Variants in SGCZ observed in about 807,000 individuals in gnomAD.
SGCZ encodes the protein zeta-sarcoglycan.
Under a neutral mutation model 41.3 loss-of-function variants are expected in SGCZ, and 40 were observed. The observed-to-expected ratio is 0.97, with a 90% CI of 0.75 to 1.26. The LOEUF is 1.26. SGCZ is among the 50% of genes most tolerant of loss of function. The pLI is 0.00. For synonymous variants in SGCZ, 206 were observed against 137.5 expected (o/e 1.50, Z -3.49); for missense variants, 552 against 369.8 (o/e 1.49, Z -4.04).
chr8:14,360,498 G>C (rs1042304201), intron 2 of SGCZ, among the ~76,000 whole-genome samples: 1 of 151,920 alleles, frequency 6.6e-6, no homozygotes, highest in Non-Finnish European at 1.5e-5. Flanking sequence ...GCTAATTTCT[G>C]AATTTTTAGT....
chr8:14,749,908 A>C (rs1472834334), intron 1 of SGCZ, among the ~76,000 whole-genome samples: 1 of 152,182 alleles, frequency 6.6e-6, no homozygotes, highest in African/African-American at 2.4e-5. Context: ...AAAGAATATT[A>C]TGTACAAAAA....
intron 3 of SGCZ, among the ~76,000 whole-genome samples, chr8:14,323,804 C>T (rs977277524): frequency 2.6e-4 from 39 of 151,940 alleles, no homozygotes; most frequent in Admixed American, 5.9e-4. Flanking sequence ...ATCAAATGCC[C>T]CCTTGGGATT....
In SGCZ at chr8:14,157,365, A is replaced by AGTGT. The variant is rs1276673001; in HGVS notation, c.547+7211_547+7214dup. ...GTGTGTGTGTGTGTGTGTGTGTGTG[A>AGTGT]GTGTGTGTGTGTGTGTGTGTGTGTG... On this transcript the variant is annotated intron_variant, in intron 5 of 7. Transcript: ENST00000382080. Among the ~76,000 whole-genome samples, 309 of 89,420 alleles carry AGTGT rather than the reference A, an allele frequency of 3.5e-3. 1 individual carries two copies. Among genetic ancestry groups the AGTGT allele is most frequent in the African/African-American group, 9.9e-3 (282 of 28,596 alleles). 58.7% of individuals were successfully genotyped at this position (89,420 alleles called of 152,430 possible).
chr8:14,458,685 C>T (rs569797409), intron 2 of SGCZ, among the ~76,000 whole-genome samples: 48 of 152,188 alleles, frequency 3.2e-4, no homozygotes, highest in African/African-American at 1.2e-3. Flanking sequence ...AGTAGTATCT[C>T]TATCTATCTA....
chr8:14,253,816 C>A (rs1179804650), intron 3 of SGCZ, among the ~76,000 whole-genome samples: 1 of 151,984 alleles, frequency 6.6e-6, no homozygotes, highest in Non-Finnish European at 1.5e-5. Context: ...TAAACATTAG[C>A]AAATATTGGT....
intron 2 of SGCZ, among the ~76,000 whole-genome samples, chr8:14,552,303 A>T (rs935872447): frequency 1.3e-5 from 2 of 151,980 alleles, no homozygotes; most frequent in Non-Finnish European, 2.9e-5. Flanking sequence ...GGAATTCTGA[A>T]TTTTTTCTGA....
At chr8:14,796,423 TTTG>T (rs1470312835) in intron 1 of SGCZ, among the ~76,000 whole-genome samples, 3 of 148,878 alleles carry the variant, frequency 2.0e-5, no homozygotes, top group African/African-American at 7.8e-5. Flanking sequence ...TCATTCTATT[TTTG>T]TTTTTTTTCT....
chr8:14,601,023 C>T (rs1000901852), intron 1 of SGCZ, among the ~76,000 whole-genome samples: 1 of 149,900 alleles, frequency 6.7e-6, no homozygotes, highest in African/African-American at 2.4e-5. Flanking sequence ...ATGTTTTATG[C>T]ATTTTATAAT....
intron 1 of SGCZ, among the ~76,000 whole-genome samples, chr8:14,728,272 A>C (rs954270453): frequency 2.0e-5 from 3 of 152,110 alleles, no homozygotes; most frequent in Non-Finnish European, 4.4e-5. Flanking sequence ...GAAAAAGCAG[A>C]AAATGTATAA....
chr8:14,760,106 G>A (rs923856070), intron 1 of SGCZ, among the ~76,000 whole-genome samples: 14 of 152,072 alleles, frequency 9.2e-5, no homozygotes, highest in Admixed American at 7.9e-4. Context: ...AATTGAGCAC[G>A]GGTTCCACAG....
At chr8:14,751,951 A>C (rs1246905954) in intron 1 of SGCZ, among the ~76,000 whole-genome samples, 3 of 90,672 alleles carry the variant, frequency 3.3e-5, no homozygotes, top group African/African-American at 8.0e-5. Context: ...AAAAACAAAC[A>C]AAAAAAAAAA....
At chr8:14,877,282 A>T (rs1199187676) in intron 1 of SGCZ, among the ~76,000 whole-genome samples, 1 of 152,154 alleles carries the variant, frequency 6.6e-6, no homozygotes, top group Non-Finnish European at 1.5e-5. Flanking sequence ...CAGAGCCTTT[A>T]TTATGTAAGT....
chr8:15,113,124 G>A (rs769379113), intron 1 of SGCZ, among the ~76,000 whole-genome samples: 19 of 151,306 alleles, frequency 1.3e-4, no homozygotes, highest in East Asian at 3.9e-4. Flanking sequence ...TGGGAGCAGC[G>A]CTTGAGTCCA....
intron 2 of SGCZ, among the ~76,000 whole-genome samples, chr8:14,427,088 G>GTGAA (rs935453328): frequency 2.5e-5 from 3 of 117,712 alleles, no homozygotes; most frequent in African/African-American, 2.1e-4. Context: ...GAATGAATGA[G>GTGAA]TGAATGAATG....
At chr8:14,935,582 G>T (rs1397646919) in intron 1 of SGCZ, among the ~76,000 whole-genome samples, 1 of 151,796 alleles carries the variant, frequency 6.6e-6, no homozygotes, top group South Asian at 2.1e-4. Flanking sequence ...TCAAGAACAA[G>T]AGTATTGATA....
chr8:14,358,519 T>C (rs1386152272), intron 2 of SGCZ, among the ~76,000 whole-genome samples: 1 of 152,180 alleles, frequency 6.6e-6, no homozygotes, highest in Non-Finnish European at 1.5e-5. Flanking sequence ...AAACTAGTTA[T>C]TAAACAGGTT....
chr8:14,655,005 G>A (rs1045575421), intron 1 of SGCZ, among the ~76,000 whole-genome samples: 1 of 151,956 alleles, frequency 6.6e-6, no homozygotes, highest in East Asian at 1.9e-4. Flanking sequence ...TAGACATTAG[G>A]TGTATATTTC....
intron 1 of SGCZ, among the ~76,000 whole-genome samples, chr8:14,734,344 G>T (rs1312426300): frequency 6.6e-6 from 1 of 152,042 alleles, no homozygotes; most frequent in East Asian, 1.9e-4. Flanking sequence ...TAAATGGTAA[G>T]AAAACTACAG....
intron 1 of SGCZ, among the ~76,000 whole-genome samples, chr8:15,195,072 G>A (rs144346896): frequency 6.6e-6 from 1 of 152,240 alleles, no homozygotes; most frequent in African/African-American, 2.4e-5. Flanking sequence ...ATACTACACA[G>A]TGAGGTTCTT....
Sources: gnomAD v4.1 joint callset for allele counts (sites outside exome capture counted in the v4.1 genomes callset) on GRCh38, gnomAD v4.1.1 for gene constraint, MANE v1.5 for transcripts, NCBI Gene and HGNC (gene_info 2026-07-23, HGNC 2026-07-21) for gene names.